Variants in LYPLAL1 observed in about 807,000 individuals in gnomAD.
LYPLAL1 encodes lysophospholipase like 1, also known as lysophospholipase-like protein 1.
In LYPLAL1, 23 loss-of-function variants were observed where a neutral mutation model predicts 19.7. The ratio of observed to expected loss-of-function variants is 1.17; its 90% confidence interval spans 0.84 to 1.65. The LOEUF is 1.65. Among genes scored for constraint, LYPLAL1 ranks in the 40% most tolerant of loss-of-function variants. LYPLAL1 has a pLI of 0.00. For synonymous variants in LYPLAL1, 119 were observed against 96.3 expected, an observed-to-expected ratio of 1.24 and a Z score of -1.38; for missense variants, 355 against 279.4, an observed-to-expected ratio of 1.27 and a Z score of -1.93.
At chr1:219,375,849 A>C in the LYPLAL1 span, among the ~76,000 whole-genome samples, 1 of 149,626 alleles carries the variant, frequency 6.7e-6, no homozygotes, top group Non-Finnish European at 1.5e-5. Flanking sequence ...TCATGCCATT[A>C]TCCTGCCTTA....
intron 2 of LYPLAL1, among the ~76,000 whole-genome samples, chr1:219,190,393 C>G (rs1657060276): frequency 6.6e-6 from 1 of 151,370 alleles, no homozygotes; most frequent in Non-Finnish European, 1.5e-5. Flanking sequence ...AATTGACTAT[C>G]ATATGGGATA....
chr1:219,408,630 C>G, the LYPLAL1 span, among the ~76,000 whole-genome samples: 39 of 151,732 alleles, frequency 2.6e-4, no homozygotes, highest in African/African-American at 9.4e-4. Context: ...GGGGGTGGTT[C>G]GAGGTGAGGG....
At chr1:219,261,798 C>A in the LYPLAL1 span, among the ~76,000 whole-genome samples, 2 of 152,078 alleles carry the variant, frequency 1.3e-5, no homozygotes, top group Non-Finnish European at 2.9e-5. Flanking sequence ...TCATCTTGGC[C>A]TTATGTAACC....
At chr1:219,414,042 C>T in the LYPLAL1 span, among the ~76,000 whole-genome samples, 4,444 of 152,272 alleles carry the variant, frequency 0.029, 90 homozygotes, top group Non-Finnish European at 0.047. Flanking sequence ...GCCCCCCAGA[C>T]ACCACTGAGT....
chr1:219,414,263 C>A, the LYPLAL1 span, among the ~76,000 whole-genome samples: 1 of 152,176 alleles, frequency 6.6e-6, no homozygotes, highest in Non-Finnish European at 1.5e-5. Context: ...GGTACCCAAT[C>A]CTATATTACT....
chr1:219,391,864 C>T, the LYPLAL1 span, among the ~76,000 whole-genome samples: 1 of 152,174 alleles, frequency 6.6e-6, no homozygotes, highest in African/African-American at 2.4e-5. Context: ...CTAAGACTTG[C>T]ACTTTTATTA....
At chr1:219,274,968 C>A in the LYPLAL1 span, among the ~76,000 whole-genome samples, 2 of 152,094 alleles carry the variant, frequency 1.3e-5, no homozygotes, top group Non-Finnish European at 2.9e-5. Flanking sequence ...CCAATCAATA[C>A]GAGTTATTTT....
At chr1:219,325,645 A>C in the LYPLAL1 span, among the ~76,000 whole-genome samples, 1 of 152,094 alleles carries the variant, frequency 6.6e-6, no homozygotes, top group Non-Finnish European at 1.5e-5. Context: ...CCACATACAT[A>C]TTTTTTCCTT....
chr1:219,335,155 T>A, the LYPLAL1 span, among the ~76,000 whole-genome samples: 1 of 151,942 alleles, frequency 6.6e-6, no homozygotes, highest in African/African-American at 2.4e-5. Flanking sequence ...TTTTTATTAG[T>A]TTAGGTCTCA....
chr1:219,421,403 G>A, the LYPLAL1 span, among the ~76,000 whole-genome samples: 88 of 152,256 alleles, frequency 5.8e-4, no homozygotes, highest in Middle Eastern at 3.4e-3. Context: ...AGGGTCAGCC[G>A]AAGTTGCATT....
chr1:219,375,756 C>A, the LYPLAL1 span, among the ~76,000 whole-genome samples: 624 of 113,302 alleles, frequency 5.5e-3, 7 homozygotes, highest in Non-Finnish European at 8.8e-3. Flanking sequence ...TTTTTTTTGG[C>A]GTGGGGGCAG....
At chr1:219,281,316 T>C in the LYPLAL1 span, among the ~76,000 whole-genome samples, 143,799 of 152,180 alleles carry the variant, frequency 0.94, 68,174 homozygotes, top group East Asian at 1. Flanking sequence ...GAGAGAAAGG[T>C]AATAATTAAT....
At chr1:219,360,199 T>C in the LYPLAL1 span, among the ~76,000 whole-genome samples, 5 of 152,236 alleles carry the variant, frequency 3.3e-5, no homozygotes, top group Non-Finnish European at 7.3e-5. Flanking sequence ...GGTTGAAGTT[T>C]AGAACCTTGA....
At chr1:219,380,373 G>C in the LYPLAL1 span, among the ~76,000 whole-genome samples, 1 of 152,232 alleles carries the variant, frequency 6.6e-6, no homozygotes, top group Non-Finnish European at 1.5e-5. Context: ...AGTTGGCGTA[G>C]CTTTACACAA....
At chr1:219,368,521 A>T in the LYPLAL1 span, among the ~76,000 whole-genome samples, 1 of 152,112 alleles carries the variant, frequency 6.6e-6, no homozygotes, top group Admixed American at 6.5e-5. Context: ...TCGTAATCTC[A>T]GGGAAGAAAT....
the LYPLAL1 span, among the ~76,000 whole-genome samples, chr1:219,404,272 G>A: frequency 1.2e-3 from 183 of 152,142 alleles, 3 homozygotes; most frequent in African/African-American, 4.3e-3. Flanking sequence ...CATATGGATC[G>A]TGAAGCTGAG....
the LYPLAL1 span, among the ~76,000 whole-genome samples, chr1:219,240,589 A>G: frequency 5.3e-5 from 8 of 152,228 alleles, no homozygotes; most frequent in Admixed American, 1.3e-4. Context: ...AAAATAAGGA[A>G]ATAACTTTTT....
the LYPLAL1 span, among the ~76,000 whole-genome samples, chr1:219,266,383 C>T: frequency 1.3e-5 from 2 of 152,276 alleles, no homozygotes; most frequent in Non-Finnish European, 2.9e-5. Context: ...TCTGCTACTA[C>T]GTCTTGTCCC....
At chr1:219,340,945 GC>G in the LYPLAL1 span, among the ~76,000 whole-genome samples, 3 of 152,026 alleles carry the variant, frequency 2.0e-5, no homozygotes, top group Non-Finnish European at 4.4e-5. Context: ...GCCTTTTCTA[GC>G]CCTTCCCAGC....
Sources: allele counts gnomAD v4.1 joint callset (sites outside exome capture counted in the v4.1 genomes callset), GRCh38; gene constraint gnomAD v4.1.1; transcripts MANE v1.5; gene names NCBI Gene and HGNC (gene_info 2026-07-23, HGNC 2026-07-21).